KISS1R: variants seen among roughly 807,000 people sequenced by gnomAD.
KISS1R encodes kiSS-1 receptor.
KISS1R carries 19 observed loss-of-function variants against 22.0 expected under a neutral mutation model. The ratio of observed to expected loss-of-function variants is 0.86; its 90% CI spans 0.60 to 1.26. The LOEUF (loss-of-function observed/expected upper bound fraction) is 1.26, where lower values mean the gene tolerates loss of function less well. Among genes scored for constraint, KISS1R ranks in the 50% most tolerant of loss-of-function variants. The pLI, the probability that KISS1R is intolerant of heterozygous loss-of-function variation, is 0.00. For missense variants in KISS1R, 653 were observed against 581.9 expected (o/e 1.12, Z -1.26); for synonymous variants, 302 against 283.9 (o/e 1.06, Z -0.64).
Position 920,692 on chromosome 19 carries a change from A to C in KISS1R, c.1141A>C (p.Ser381Arg), listed in dbSNP as rs2037114479. 1 of 1,316,074 alleles carries C rather than the reference A, an allele frequency of 7.6e-7. No homozygotes were observed. The highest frequency in any genetic ancestry group is 3.4e-5 in the Admixed American group (1 of 28,992). 81.5% of individuals were successfully genotyped at this position (1,316,074 alleles called of 1,614,324 possible). A position where few individuals can be genotyped will look rare whatever the true frequency, so the allele number is the denominator to read the frequency against. The change falls in exon 5 of 5, where the codon AGT becomes CGT. Residue 381 changes from serine (S) to arginine (R), a missense_variant. Coordinates refer to ENST00000234371, the MANE Select transcript of KISS1R (RefSeq NM_032551.5). Reference sequence around the variant, plus strand: ...CGCCAGGGCGCAGAAGCCAGGGAGCAGTGGGCTGGCCGCGCGCGGGCTGTG... The same window carrying C: ...CGCCAGGGCGCAGAAGCCAGGGAGCCGTGGGCTGGCCGCGCGCGGGCTGTG... ...APARAQKPGS[S>R]GLAARGLCVL...
In KISS1R at chr19:920,738, C is replaced by T; in HGVS notation, c.1187C>T (p.Ala396Val). The T allele has an allele frequency of 7.7e-7, 1 of 1,291,372 alleles. No individual in the cohort carries two copies. Among genetic ancestry groups the T allele is most frequent in the Non-Finnish European group, 9.8e-7 (1 of 1,021,848 alleles). 80.0% of individuals were successfully genotyped at this position (1,291,372 alleles called of 1,614,324 possible). A position where few individuals can be genotyped will look rare whatever the true frequency, so the allele number is the denominator to read the frequency against. Reference sequence around the variant, plus strand: ...CTGTGCGTCCTGGGGGAGGACAACGCCCCTCTCTGAGCGGACCCGGTGGGA... The same window carrying T: ...CTGTGCGTCCTGGGGGAGGACAACGTCCCTCTCTGAGCGGACCCGGTGGGA... ...RGLCVLGEDN[A>V]PL The change falls in exon 5 of 5, where the codon GCC becomes GTC. Residue 396 changes from alanine to valine, a missense_variant. Coordinates refer to ENST00000234371, the MANE Select transcript of KISS1R (RefSeq NM_032551.5).
At position 917,565 on chromosome 19, in the gene KISS1R, C is replaced by A; in HGVS notation, c.63C>A (p.Gly21=). 1 of 1,529,214 alleles carries A rather than the reference C, an allele frequency of 6.5e-7. No homozygotes were observed. Among genetic ancestry groups the A allele is most frequent in the Non-Finnish European group, 8.8e-7 (1 of 1,142,124 alleles). 94.7% of individuals were successfully genotyped at this position (1,529,214 alleles called of 1,614,324 possible). ...GGGGGGCACCGGCCAACGCCTCCGG[C>A]TGCCCGGGCTGTGGCGCCAACGCCT... ...ASWGAPANAS[G]CPGCGANASD... Residue 21 remains glycine (G), a synonymous_variant, in exon 1 of 5, where the codon GGC becomes GGA. Coordinates refer to ENST00000234371, the MANE Select transcript of KISS1R (RefSeq NM_032551.5).
intron 1 of KISS1R, 54 bp from the exon 2 acceptor site, chr19:918,490 C>A: frequency 6.5e-7 from 1 of 1,530,516 alleles, no homozygotes; most frequent in Non-Finnish European, 8.8e-7. Context: ...GAGCGCTGGG[C>A]GGTTCCCGCG....
intron 1 of KISS1R, 27 bp downstream of exon 1, chr19:917,773 G>A (rs765078073): frequency 6.3e-7 from 1 of 1,585,532 alleles, no homozygotes; most frequent in Admixed American, 1.7e-5. Flanking sequence ...CGCCGCACCT[G>A]CTGCCGTCCC....
intron 2 of KISS1R, 62 bp downstream of exon 2, chr19:918,730 G>T: frequency 6.6e-7 from 1 of 1,517,882 alleles, no homozygotes; most frequent in Non-Finnish European, 8.8e-7. Context: ...GCGCTCCGCA[G>T]TGGGAGGGGA....
At chr19:917,945 C>A (rs1480798001) in intron 1 of KISS1R, among the ~76,000 whole-genome samples, 199 bp downstream of exon 1, 1 of 152,196 alleles carries the variant, frequency 6.6e-6, no homozygotes, top group Non-Finnish European at 1.5e-5. Flanking sequence ...CGCGGGCGGG[C>A]CCGGGCGGGC....
intron 1 of KISS1R, 80 bp downstream of exon 1, chr19:917,826 C>T (rs1225307328): frequency 6.8e-7 from 1 of 1,474,434 alleles, no homozygotes; most frequent in Non-Finnish European, 9.0e-7. Flanking sequence ...CCTCTCGCGA[C>T]GCATCGGGGC....
At chr19:917,822 G>GA in intron 1 of KISS1R, 76 bp downstream of exon 1, 1 of 1,489,214 alleles carries the variant, frequency 6.7e-7, no homozygotes, top group Non-Finnish European at 9.0e-7. Context: ...GCGCCCTCTC[G>GA]CGACGCATCG....
At chr19:918,484 G>A in intron 1 of KISS1R, 60 bp from the exon 2 acceptor site, 2 of 1,529,320 alleles carry the variant, frequency 1.3e-6, no homozygotes, top group Non-Finnish European at 1.8e-6. Flanking sequence ...GGCCAGGAGC[G>A]CTGGGCGGTT....
chr19:919,164 C>A (rs1599370264), intron 2 of KISS1R, among the ~76,000 whole-genome samples: 1 of 151,232 alleles, frequency 6.6e-6, no homozygotes, highest in East Asian at 2.0e-4. Context: ...GGGATGCAGA[C>A]GGGGACCCGG....
At chr19:919,675 C>A in intron 3 of KISS1R, 50 bp downstream of exon 3, 1 of 1,537,780 alleles carries the variant, frequency 6.5e-7, no homozygotes. Context: ...CGTCCTAGTG[C>A]CCTGGGCGCC....
intron 1 of KISS1R, among the ~76,000 whole-genome samples, chr19:918,014 C>A (rs928913200): frequency 6.6e-6 from 1 of 152,172 alleles, no homozygotes; most frequent in African/African-American, 2.4e-5. Context: ...GGGGCTCGCC[C>A]CGGTGCAGCG....
At position 917,546 on chromosome 19, in the gene KISS1R, C is replaced by A. The variant is rs956206302; in HGVS notation, c.44C>A (p.Ala15Glu). The A allele has an allele frequency of 2.0e-6, 3 of 1,519,502 alleles. No individual in the cohort carries two copies. The Admixed American group carries it at 6.1e-5, about 31-fold the overall frequency. The allele number at this position is 1,519,502 out of a possible 1,614,324, so 94.1% of individuals were successfully genotyped here. ...ATSGPNASWG[A>E]PANASGCPGC... is the part of the protein sequence containing the mutation. Reference sequence around the variant, plus strand: ...TCCGGACCCAACGCGTCCTGGGGGGCACCGGCCAACGCCTCCGGCTGCCCG... The same window carrying A: ...TCCGGACCCAACGCGTCCTGGGGGGAACCGGCCAACGCCTCCGGCTGCCCG... The change falls in exon 1 of 5, where the codon GCA (alanine) becomes GAA (glutamate). Residue 15 changes from alanine to glutamate, a missense_variant. Coordinates refer to ENST00000234371, the MANE Select transcript of KISS1R (RefSeq NM_032551.5).
Position 920,549 on chromosome 19 carries a change from C to A in KISS1R, c.998C>A (p.Ala333Asp), listed in dbSNP as rs535137119. The A allele has an allele frequency of 6.3e-7, 1 of 1,583,790 alleles. No homozygotes were observed. The highest frequency in any genetic ancestry group is 8.6e-7 in the Non-Finnish European group (1 of 1,169,472). The part of the protein sequence containing the change: ...YAFLGSHFRQ[A>D]FRRVCPCAPR... ...TTCCTGGGCTCGCACTTCCGACAGG[C>A]CTTCCGCCGCGTCTGCCCCTGCGCG... Residue 333 changes from alanine to aspartate, a missense_variant, in exon 5 of 5, where the codon GCC (alanine) becomes GAC (aspartate). Ala to Asp is a moderately radical substitution (Grantham distance 126). Coordinates refer to ENST00000234371, the MANE Select transcript of KISS1R (RefSeq NM_032551.5).
At chr19:917,893 CCT>C in intron 1 of KISS1R, 147 bp downstream of exon 1, 2 of 1,013,304 alleles carry the variant, frequency 2.0e-6, no homozygotes, top group Non-Finnish European at 2.7e-6. Flanking sequence ...GAATCTTTTC[CCT>C]GTGGTCCCTG....
At position 920,698 on chromosome 19, in the gene KISS1R, C is replaced by G; in HGVS notation, c.1147C>G (p.Leu383Val). 1.5e-6 allele frequency: 2 copies of G among 1,314,558 alleles called. No individual in the cohort carries two copies. The highest frequency in any genetic ancestry group is 1.9e-6 in the Non-Finnish European group (2 of 1,032,096). The allele number at this position is 1,314,558 out of a possible 1,614,324, so 81.4% of individuals were successfully genotyped here. A position where few individuals can be genotyped will look rare whatever the true frequency, so the allele number is the denominator to read the frequency against. The change falls in exon 5 of 5, where the codon CTG becomes GTG. Residue 383 changes from leucine (L) to valine (V), a missense_variant. By Grantham distance (32) the Leu-to-Val change is conservative (BLOSUM62 1). Transcript: ENST00000234371. ...ARAQKPGSSG[L>V]AARGLCVLGE... is the part of the protein sequence containing the mutation. ...GGCGCAGAAGCCAGGGAGCAGTGGG[C>G]TGGCCGCGCGCGGGCTGTGCGTCCT... is the stretch of plus-strand genomic sequence containing the variant.
intron 2 of KISS1R, among the ~76,000 whole-genome samples, chr19:919,078 C>T (rs1228555102): frequency 3.3e-5 from 4 of 121,444 alleles, no homozygotes; most frequent in Admixed American, 3.0e-4. Flanking sequence ...GAACCAGGGG[C>T]TGGGGTGCCC....
At chr19:917,775 T>C in intron 1 of KISS1R, 29 bp downstream of exon 1, 1 of 1,584,804 alleles carries the variant, frequency 6.3e-7, no homozygotes, top group Non-Finnish European at 8.6e-7. Context: ...CCGCACCTGC[T>C]GCCGTCCCGG....
chr19:919,561 G>T lies in KISS1R; in HGVS notation c.441G>T (p.Pro147=). ...ACCGCTGGTACGTGACGGTGTTCCC[G>T]TTGCGCGCCCTGCACCGCCGCACGC... ...SVDRWYVTVF[P]LRALHRRTPR... The change falls in exon 3 of 5, where the codon CCG becomes CCT. Residue 147 remains proline, a synonymous_variant. Transcript: ENST00000234371. 6.4e-7 allele frequency: 1 copy of T among 1,559,348 alleles called. No individual in the cohort carries two copies.
Sources: allele counts gnomAD v4.1 joint callset (sites outside exome capture counted in the v4.1 genomes callset), GRCh38; gene constraint gnomAD v4.1.1; transcripts MANE v1.5; gene names NCBI Gene and HGNC (gene_info 2026-07-23, HGNC 2026-07-21).